The following GPHN variants were observed in gnomAD, a reference collection of about 807,000 sequenced individuals.
GPHN encodes gephyrin.
Under a neutral mutation model 95.5 loss-of-function variants are expected in GPHN, and 17 were observed. That is an observed-to-expected ratio of 0.18 (90% CI 0.12 to 0.27). The LOEUF (loss-of-function observed/expected upper bound fraction) is 0.27. Ranked by LOEUF, GPHN falls within the 10% of genes least tolerant of loss-of-function variation. GPHN has a pLI of 1.00. For synonymous variants in GPHN, 320 were observed against 322.5 expected, an observed-to-expected ratio of 0.99 and a Z score of 0.08; for missense variants, 660 against 978.1, an observed-to-expected ratio of 0.67 and a Z score of 4.34.
At chr14:66,530,443 C>T (rs1030198022) in intron 1 of GPHN, among the ~76,000 whole-genome samples, 4 of 152,068 alleles carry the variant, frequency 2.6e-5, no homozygotes, top group East Asian at 1.9e-4. Flanking sequence ...GCCCCCTTTC[C>T]GGGGGAGTGA....
chr14:67,690,483 T>G, the GPHN span: 1 of 1,409,662 alleles, frequency 7.1e-7, no homozygotes, highest in African/African-American at 1.4e-5. Context: ...GGAGTCGTGG[T>G]GAGCAGGCCT....
chr14:67,308,971 A>C, the GPHN span, among the ~76,000 whole-genome samples: 1 of 152,194 alleles, frequency 6.6e-6, no homozygotes, highest in Non-Finnish European at 1.5e-5. Flanking sequence ...CCATTTCATC[A>C]TTACGACTTC....
At chr14:67,043,755 G>T (rs548164255) in intron 10 of GPHN, among the ~76,000 whole-genome samples, 1 of 152,116 alleles carries the variant, frequency 6.6e-6, no homozygotes, top group Non-Finnish European at 1.5e-5. Context: ...GAGTTGGGGG[G>T]ATTCCCTCTT....
the GPHN span, among the ~76,000 whole-genome samples, chr14:67,372,146 TTA>T: frequency 6.6e-6 from 1 of 152,136 alleles, no homozygotes. Flanking sequence ...ATTAAAAAAT[TTA>T]TGTGTGCTTT....
chr14:67,231,653 G>A, the GPHN span, among the ~76,000 whole-genome samples: 56 of 152,170 alleles, frequency 3.7e-4, no homozygotes, highest in Non-Finnish European at 6.6e-4. Context: ...TTTAAAATAG[G>A]TGCCTTTTTT....
chr14:67,690,667 C>A, the GPHN span: 2 of 486,528 alleles, frequency 4.1e-6, no homozygotes, highest in Admixed American at 7.0e-5. Context: ...CCAGCTCATT[C>A]CTACTTTGGT....
At chr14:67,272,246 A>G in the GPHN span, among the ~76,000 whole-genome samples, 1 of 152,124 alleles carries the variant, frequency 6.6e-6, no homozygotes, top group Non-Finnish European at 1.5e-5. Context: ...TTCTAGTCCT[A>G]TCTTCCACTA....
At chr14:67,199,590 C>T in the GPHN span, 1 of 1,593,896 alleles carries the variant, frequency 6.3e-7, no homozygotes, top group Non-Finnish European at 8.6e-7. Flanking sequence ...GTATCTTATG[C>T]CTTCGAGAAG....
intron 9 of GPHN, among the ~76,000 whole-genome samples, chr14:66,976,060 AT>A (rs1567171515): frequency 6.6e-6 from 1 of 152,184 alleles, no homozygotes. Flanking sequence ...TTAATCTCCA[AT>A]TAATACAGAA....
chr14:67,671,022 ATG>A, the GPHN span, among the ~76,000 whole-genome samples: 46 of 152,340 alleles, frequency 3.0e-4, 1 homozygote, highest in African/African-American at 1.1e-3. Context: ...AAACTTTATG[ATG>A]TGGTCTCTGA....
chr14:67,060,163 C>T (rs2075767603), intron 11 of GPHN, among the ~76,000 whole-genome samples: 2 of 149,664 alleles, frequency 1.3e-5, no homozygotes, highest in African/African-American at 4.9e-5. Context: ...AAAAATCTCA[C>T]CATGTATTCC....
At chr14:67,085,286 G>A (rs1595072932) in intron 11 of GPHN, among the ~76,000 whole-genome samples, 1 of 152,192 alleles carries the variant, frequency 6.6e-6, no homozygotes, top group Non-Finnish European at 1.5e-5. Flanking sequence ...TGCACAATAA[G>A]ATATATGAAC....
At chr14:67,559,474 A>G in the GPHN span, 1 of 625,180 alleles carries the variant, frequency 1.6e-6, no homozygotes, top group Non-Finnish European at 2.9e-6. Context: ...TAATATTTCA[A>G]CAAACGATTT....
the GPHN span, chr14:67,203,252 T>A: frequency 6.2e-7 from 1 of 1,604,784 alleles, no homozygotes; most frequent in Non-Finnish European, 8.5e-7. Context: ...TGTTTAAAAG[T>A]CTCCTGACAT....
At chr14:66,606,532 A>G (rs1156551770) in intron 1 of GPHN, among the ~76,000 whole-genome samples, 1 of 152,202 alleles carries the variant, frequency 6.6e-6, no homozygotes, top group Non-Finnish European at 1.5e-5. Flanking sequence ...GTAGTTTGAT[A>G]GAAATAGCAT....
chr14:66,850,619 G>A (rs1203482986), intron 4 of GPHN, among the ~76,000 whole-genome samples: 1 of 152,006 alleles, frequency 6.6e-6, no homozygotes, highest in Admixed American at 6.6e-5. Flanking sequence ...ACAATTGGAG[G>A]GTACCTAGTG....
At chr14:66,609,078 T>C (rs1179250540) in intron 1 of GPHN, among the ~76,000 whole-genome samples, 1 of 152,164 alleles carries the variant, frequency 6.6e-6, no homozygotes, top group Admixed American at 6.5e-5. Flanking sequence ...TTATAGTGTC[T>C]ATGGGCTATA....
At chr14:67,633,410 C>T in the GPHN span, among the ~76,000 whole-genome samples, 2 of 152,200 alleles carry the variant, frequency 1.3e-5, no homozygotes, top group Admixed American at 6.5e-5. Context: ...TTCAGCGATA[C>T]TGTCAGCCAT....
chr14:66,821,359 T>G (rs968679344), intron 3 of GPHN, among the ~76,000 whole-genome samples: 2 of 152,222 alleles, frequency 1.3e-5, no homozygotes, highest in African/African-American at 4.8e-5. Flanking sequence ...AAATGCAGCT[T>G]CTGATTCAGT....
Sources: gnomAD v4.1 joint callset for allele counts (sites outside exome capture counted in the v4.1 genomes callset) on GRCh38, gnomAD v4.1.1 for gene constraint, MANE v1.5 for transcripts, NCBI Gene and HGNC (gene_info 2026-07-23, HGNC 2026-07-21) for gene names.